MAN1C1: variants seen among roughly 807,000 people sequenced by gnomAD.
The protein encoded by MAN1C1 is mannosyl-oligosaccharide 1,2-alpha-mannosidase IC.
Under a neutral mutation model 71.5 loss-of-function variants are expected in MAN1C1, and 49 were observed. The observed-to-expected ratio is 0.69, with a 90% CI of 0.54 to 0.87. MAN1C1 has a LOEUF of 0.87. Among genes scored for constraint, MAN1C1 ranks in the 40% least tolerant of loss-of-function variants. The pLI, the probability that MAN1C1 is intolerant of heterozygous loss-of-function variation, is 0.00. For synonymous variants in MAN1C1, 352 were observed against 343.7 expected (o/e 1.02, Z -0.27); for missense variants, 743 against 835.0 (o/e 0.89, Z 1.36).
chr1:25,629,772 G>T, intron 1 of MAN1C1, among the ~76,000 whole-genome samples: 1 of 151,140 alleles, frequency 6.6e-6, no homozygotes, highest in African/African-American at 2.4e-5. Flanking sequence ...AGTTTCTTGT[G>T]GTTTTTAGAC....
intron 1 of MAN1C1, among the ~76,000 whole-genome samples, chr1:25,675,915 A>T (rs2046060452): frequency 6.6e-6 from 1 of 152,212 alleles, no homozygotes; most frequent in Admixed American, 6.5e-5. Flanking sequence ...CCACACAGCC[A>T]GTAAGGTGGC....
chr1:25,705,744 T>C (rs923098505), intron 2 of MAN1C1, among the ~76,000 whole-genome samples: 5 of 152,188 alleles, frequency 3.3e-5, no homozygotes, highest in South Asian at 2.1e-4. Flanking sequence ...CCAGGAGACC[T>C]GGAAAGTCTA....
intron 2 of MAN1C1, among the ~76,000 whole-genome samples, chr1:25,694,393 G>A (rs7541046): frequency 0.067 from 10,266 of 152,118 alleles, 1,137 homozygotes; most frequent in African/African-American, 0.23. Context: ...CCTCTGCCTC[G>A]CAAATCCCCA....
intron 2 of MAN1C1, among the ~76,000 whole-genome samples, chr1:25,692,418 G>T (rs144238820): frequency 6.6e-6 from 1 of 152,036 alleles, no homozygotes; most frequent in African/African-American, 2.4e-5. Flanking sequence ...ATTCAGACGG[G>T]GTCTTGCTGT....
chr1:25,652,317 TG>T (rs1411678180), intron 1 of MAN1C1, among the ~76,000 whole-genome samples: 1 of 152,226 alleles, frequency 6.6e-6, no homozygotes, highest in Non-Finnish European at 1.5e-5. Context: ...GGGAAACAAA[TG>T]GCTTCTCCAA....
intron 1 of MAN1C1, among the ~76,000 whole-genome samples, chr1:25,626,274 T>C (rs760502148): frequency 7.2e-5 from 11 of 152,236 alleles, no homozygotes; most frequent in Admixed American, 4.6e-4. Flanking sequence ...TATAGTGATA[T>C]TTTGTTGTGG....
At chr1:25,773,684 T>C (rs1006446584) in intron 8 of MAN1C1, among the ~76,000 whole-genome samples, 4 of 152,160 alleles carry the variant, frequency 2.6e-5, no homozygotes, top group Non-Finnish European at 5.9e-5. Flanking sequence ...GGGCACACAG[T>C]AGTTGAGCCA....
chr1:25,759,804 T>C (rs1402766614), intron 6 of MAN1C1: 1 of 152,168 alleles, frequency 6.6e-6, no homozygotes, highest in East Asian at 1.9e-4. Flanking sequence ...CTTAAGAAGC[T>C]CAAGAAGAGC....
At chr1:25,627,807 T>C (rs138119468) in intron 1 of MAN1C1, among the ~76,000 whole-genome samples, 224 of 147,544 alleles carry the variant, frequency 1.5e-3, no homozygotes, top group African/African-American at 5.3e-3. Context: ...CCAAGATGGG[T>C]GAATCGATTG....
chr1:25,777,966 G>A, intron 8 of MAN1C1, 139 bp from the exon 9 acceptor site: 1 of 634,958 alleles, frequency 1.6e-6, no homozygotes, highest in East Asian at 2.9e-5. Flanking sequence ...AGATCAATGG[G>A]CCTCCTTTGC....
At chr1:25,669,494 C>T (rs562199810) in intron 1 of MAN1C1, among the ~76,000 whole-genome samples, 3 of 152,146 alleles carry the variant, frequency 2.0e-5, no homozygotes, top group Non-Finnish European at 4.4e-5. Context: ...CCATCGGGCA[C>T]ACTGGCTTGT....
intron 1 of MAN1C1, among the ~76,000 whole-genome samples, chr1:25,619,055 G>A (rs1471325348): frequency 6.6e-6 from 1 of 152,234 alleles, no homozygotes; most frequent in African/African-American, 2.4e-5. Flanking sequence ...GATTGTACCA[G>A]GAGGGATTTA....
At chr1:25,691,726 G>A (rs1369619245) in intron 2 of MAN1C1, among the ~76,000 whole-genome samples, 1 of 152,118 alleles carries the variant, frequency 6.6e-6, no homozygotes, top group Non-Finnish European at 1.5e-5. Context: ...AAATGCCCAT[G>A]GCAGAAATCT....
intron 3 of MAN1C1, among the ~76,000 whole-genome samples, chr1:25,747,172 G>T (rs535612716): frequency 5.6e-4 from 85 of 152,324 alleles, no homozygotes; most frequent in African/African-American, 2.0e-3. Context: ...TGGCTCATCT[G>T]CTGAGAGCTG....
At chr1:25,682,231 A>G (rs1368739149) in intron 1 of MAN1C1, among the ~76,000 whole-genome samples, 1 of 152,242 alleles carries the variant, frequency 6.6e-6, no homozygotes, top group East Asian at 1.9e-4. Context: ...GTAGATGCAG[A>G]TAGCAGTCCC....
chr1:25,629,978 CAGA>C (rs2045355163), intron 1 of MAN1C1, among the ~76,000 whole-genome samples: 1 of 151,976 alleles, frequency 6.6e-6, no homozygotes, highest in Non-Finnish European at 1.5e-5. Flanking sequence ...GGCCAATGTC[CAGA>C]AGAGTTTTTC....
chr1:25,700,541 G>A (rs1177742102), intron 2 of MAN1C1, among the ~76,000 whole-genome samples: 1 of 152,204 alleles, frequency 6.6e-6, no homozygotes, highest in African/African-American at 2.4e-5. Context: ...AACACAGTGG[G>A]CTCCTCGGAG....
intron 2 of MAN1C1, among the ~76,000 whole-genome samples, chr1:25,733,615 G>T (rs2046940079): frequency 6.6e-6 from 1 of 151,972 alleles, no homozygotes; most frequent in African/African-American, 2.4e-5. Context: ...ATGTGTCTCT[G>T]TGTGTCTTTC....
chr1:25,780,837 A>G, intron 9 of MAN1C1, 103 bp from the exon 10 acceptor site: 23 of 1,274,090 alleles, frequency 1.8e-5, no homozygotes, highest in Non-Finnish European at 2.6e-5. Flanking sequence ...CACACCTGAC[A>G]TCACCCTGGC....
Sources: allele counts gnomAD v4.1 joint callset (sites outside exome capture counted in the v4.1 genomes callset), GRCh38; gene constraint gnomAD v4.1.1; transcripts MANE v1.5; gene names NCBI Gene and HGNC (gene_info 2026-07-23, HGNC 2026-07-21).